Variants in ERI1 observed in about 807,000 individuals in gnomAD.
ERI1 encodes exoribonuclease 1.
ERI1 carries 39 observed loss-of-function variants against 39.7 expected under a neutral mutation model. The ratio of observed to expected loss-of-function variants is 0.98; its 90% CI spans 0.76 to 1.28. The LOEUF is 1.28. Ranked by LOEUF, ERI1 falls within the 50% of genes most tolerant of loss-of-function variation. ERI1 has a pLI of 0.00. For missense variants in ERI1, 581 were observed against 416.9 expected (o/e 1.39, Z -3.43); for synonymous variants, 204 against 149.6 (o/e 1.36, Z -2.65).
intron 1 of ERI1, among the ~76,000 whole-genome samples, chr8:9,004,683 A>AC (rs1231836783): frequency 7.4e-6 from 1 of 135,330 alleles, no homozygotes; most frequent in African/African-American, 2.8e-5. Context: ...TAGTAATGAT[A>AC]CTTTTTTTTT....
At chr8:9,079,264 G>T (rs1799300823) in intron 3 of ERI1, among the ~76,000 whole-genome samples, 1 of 152,248 alleles carries the variant, frequency 6.6e-6, no homozygotes, top group Admixed American at 6.5e-5. Flanking sequence ...AGCAGAAGAT[G>T]AAGCACTGAA....
chr8:9,083,316 C>G (rs188689006), intron 3 of ERI1, among the ~76,000 whole-genome samples: 1 of 152,240 alleles, frequency 6.6e-6, no homozygotes, highest in African/African-American at 2.4e-5. Flanking sequence ...AACTTCCATC[C>G]AAAGATCTCT....
intron 3 of ERI1, among the ~76,000 whole-genome samples, chr8:9,076,793 G>C (rs73662292): frequency 0.028 from 4,258 of 152,302 alleles, 169 homozygotes; most frequent in South Asian, 0.099. Flanking sequence ...AATCTTTAGG[G>C]GGAAGCGGGG....
chr8:9,069,063 C>G lies in ERI1; in HGVS notation n.300-47285C>G, dbSNP rs530161545. Among the ~76,000 whole-genome samples the G allele has an allele frequency of 4.6e-5, 7 of 152,282 alleles. No homozygotes were observed. The South Asian group carries it at 1.5e-3, about 32-fold the overall frequency. ...CGAACTCCTGGGCTCAAGCCGTCCT[C>G]CCACCTCAGCCTCGCAAAGTGCTGG... On this transcript the variant is annotated intron_variant and non_coding_transcript_variant, in intron 3 of 3. Coordinates refer to the ERI1 transcript ENST00000518663.
Position 9,031,748 on chromosome 8 carries a change from G to C in ERI1, c.*1714G>C, listed in dbSNP as rs796414155. ...AGAACTTCAACATTATAAGCTCTCAGTACCCTATTTTGTTGTTGTTGTTGT... is the reference window on the plus strand; with the variant it reads ...AGAACTTCAACATTATAAGCTCTCACTACCCTATTTTGTTGTTGTTGTTGT... On this transcript the variant is annotated 3_prime_UTR_variant, in exon 7 of 7. Coordinates refer to ENST00000250263, the MANE Select transcript of ERI1 (RefSeq NM_153332.4). 1 of 152,088 alleles carries C rather than the reference G, an allele frequency of 6.6e-6. No individual in the cohort carries two copies. Among genetic ancestry groups the C allele is most frequent in the Non-Finnish European group, 1.5e-5 (1 of 68,016 alleles). 9.4% of individuals were successfully genotyped at this position (152,088 alleles called of 1,614,324 possible).
rs1354508543 is a variant in ERI1 at position 9,054,320 on chromosome 8, C to G, written n.299+33856C>G. On this transcript the variant is annotated intron_variant and non_coding_transcript_variant, in intron 3 of 3. Transcript: ENST00000518663. Reference sequence around the variant, plus strand: ...ACCCACTTCGTCCTATTCGGCTGCACTTTTTTGTAGGATTCAGCTTTCCTT... The same window carrying G: ...ACCCACTTCGTCCTATTCGGCTGCAGTTTTTTGTAGGATTCAGCTTTCCTT... Among the ~76,000 whole-genome samples the G allele has an allele frequency of 2.0e-5, 3 of 152,322 alleles. No homozygotes were observed. In the East Asian group the frequency reaches 5.8e-4, roughly 29 times the overall value.
intron 3 of ERI1, among the ~76,000 whole-genome samples, chr8:9,067,481 C>G (rs1159255852): frequency 1.3e-5 from 2 of 150,048 alleles, no homozygotes; most frequent in South Asian, 4.2e-4. Context: ...ATAGAGAAAC[C>G]CCATCTCTAC....
At chr8:9,036,555 C>T (rs866803996), downstream of ERI1, among the ~76,000 whole-genome samples, 5 of 152,206 alleles carry the variant, frequency 3.3e-5, no homozygotes, top group African/African-American at 1.2e-4. Flanking sequence ...TTTATATGCA[C>T]TGGGGAGCCA....
intron 3 of ERI1, among the ~76,000 whole-genome samples, chr8:9,064,501 G>A (rs376023188): frequency 5.3e-5 from 5 of 94,372 alleles, no homozygotes; most frequent in African/African-American, 1.0e-4. Context: ...CGGATAAAAC[G>A]TGTCTCCTTT....
chr8:9,021,189 G>A (rs146123212), intron 6 of ERI1, among the ~76,000 whole-genome samples: 5 of 152,190 alleles, frequency 3.3e-5, no homozygotes, highest in Non-Finnish European at 5.9e-5. Context: ...ATTTACTTCC[G>A]CGGTTGTTTA....
At chr8:9,004,930 C>G (rs752866170) in intron 1 of ERI1, among the ~76,000 whole-genome samples, 11 of 151,982 alleles carry the variant, frequency 7.2e-5, no homozygotes, top group Non-Finnish European at 1.5e-4. Context: ...TCAGGTGATC[C>G]GCCCACCTCG....
At chr8:9,081,355 G>A (rs1010126233) in intron 3 of ERI1, among the ~76,000 whole-genome samples, 2 of 152,214 alleles carry the variant, frequency 1.3e-5, no homozygotes, top group Non-Finnish European at 2.9e-5. Context: ...GATGAAACAA[G>A]ATTGGCTGTG....
chr8:9,089,671 C>T (rs10081465), intron 3 of ERI1, among the ~76,000 whole-genome samples: 11,917 of 152,180 alleles, frequency 0.078, 1,471 homozygotes, highest in African/African-American at 0.26. Flanking sequence ...AGATTCCAAT[C>T]CTATGCTGTT....
chr8:9,074,679 C>T (rs1799153370), intron 3 of ERI1, among the ~76,000 whole-genome samples: 1 of 152,200 alleles, frequency 6.6e-6, no homozygotes, highest in Non-Finnish European at 1.5e-5. Flanking sequence ...AGTGATCCTC[C>T]CGTCTTGGGC....
intron 3 of ERI1, among the ~76,000 whole-genome samples, chr8:9,047,798 C>A (rs922854893): frequency 6.6e-6 from 1 of 152,184 alleles, no homozygotes; most frequent in Non-Finnish European, 1.5e-5. Flanking sequence ...ATTGAGCTTC[C>A]TATCATTTTG....
At chr8:9,059,732 T>G (rs944749880) in intron 3 of ERI1, among the ~76,000 whole-genome samples, 13 of 151,838 alleles carry the variant, frequency 8.6e-5, no homozygotes, top group African/African-American at 3.1e-4. Flanking sequence ...GAGTTAAGAG[T>G]GGCGGTTTGG....
intron 3 of ERI1, among the ~76,000 whole-genome samples, chr8:9,015,738 A>AAAAAAG (rs1563318556): frequency 2.0e-5 from 3 of 151,240 alleles, no homozygotes; most frequent in African/African-American, 7.3e-5. Flanking sequence ...AAAAAAAAAA[A>AAAAAAG]AAAGAGACCA....
chr8:9,037,547 C>G (rs1005819512), downstream of ERI1, among the ~76,000 whole-genome samples: 5 of 151,644 alleles, frequency 3.3e-5, no homozygotes, highest in African/African-American at 1.2e-4. Context: ...TATTCAGGCA[C>G]AGGTTCTTAC....
chr8:9,026,636 A>G (rs1797182383), intron 6 of ERI1, among the ~76,000 whole-genome samples: 1 of 152,226 alleles, frequency 6.6e-6, no homozygotes, highest in African/African-American at 2.4e-5. Flanking sequence ...AAAATTCAAT[A>G]TCTGAAATGC....
Sources: allele counts gnomAD v4.1 joint callset (sites outside exome capture counted in the v4.1 genomes callset), GRCh38; gene constraint gnomAD v4.1.1; transcripts MANE v1.5; gene names NCBI Gene and HGNC (gene_info 2026-07-23, HGNC 2026-07-21).